Variants in GSG1L observed in about 807,000 individuals in gnomAD.
GSG1L encodes germ cell-specific gene 1-like protein.
Under a neutral mutation model 42.1 loss-of-function variants are expected in GSG1L, and 24 were observed. That is an observed-to-expected ratio of 0.57 (90% confidence interval 0.41 to 0.80). GSG1L has a LOEUF of 0.80. Ranked by LOEUF, GSG1L falls within the 30% of genes least tolerant of loss-of-function variation. GSG1L has a pLI of 0.00. For synonymous variants in GSG1L, 215 were observed against 203.5 expected, an observed-to-expected ratio of 1.06 and a Z score of -0.48; for missense variants, 445 against 472.2, an observed-to-expected ratio of 0.94 and a Z score of 0.53.
At chr16:27,915,338 C>T (rs1241179362) in intron 2 of GSG1L, among the ~76,000 whole-genome samples, 1 of 152,126 alleles carries the variant, frequency 6.6e-6, no homozygotes, top group Non-Finnish European at 1.5e-5. Flanking sequence ...ATTTGCCAGA[C>T]TTTCATTTTG....
intron 3 of GSG1L, among the ~76,000 whole-genome samples, chr16:27,865,627 A>G (rs561569199): frequency 0.012 from 1,682 of 143,394 alleles, 80 homozygotes; most frequent in African/African-American, 0.041. Flanking sequence ...ACACATATAT[A>G]TGTGTGTATA....
intron 2 of GSG1L, among the ~76,000 whole-genome samples, chr16:27,937,058 C>G (rs2084726875): frequency 6.6e-6 from 1 of 152,192 alleles, no homozygotes; most frequent in Admixed American, 6.5e-5. Context: ...CTTCGCTGCT[C>G]TGATGTTCAC....
At chr16:27,937,674 C>T (rs1249572677) in intron 2 of GSG1L, among the ~76,000 whole-genome samples, 1 of 152,228 alleles carries the variant, frequency 6.6e-6, no homozygotes, top group Non-Finnish European at 1.5e-5. Flanking sequence ...AAGTCCTTGG[C>T]ACCATCGTTG....
chr16:27,943,981 G>C (rs1467441143), intron 2 of GSG1L, among the ~76,000 whole-genome samples: 1 of 152,108 alleles, frequency 6.6e-6, no homozygotes, highest in African/African-American at 2.4e-5. Flanking sequence ...GCTGTGTTCT[G>C]ATAAAACTTT....
At chr16:27,991,418 T>C (rs1302433974) in intron 1 of GSG1L, among the ~76,000 whole-genome samples, 1 of 152,106 alleles carries the variant, frequency 6.6e-6, no homozygotes, top group Non-Finnish European at 1.5e-5. Context: ...TGTTTGTTTT[T>C]TTTTTGAGAT....
At chr16:27,807,599 G>A (rs991050818) in intron 5 of GSG1L, 45 bp from the exon 6 acceptor site, 2 of 1,548,948 alleles carry the variant, frequency 1.3e-6, no homozygotes, top group African/African-American at 2.7e-5. Flanking sequence ...GTAGGAAAGA[G>A]AAGGATGAGT....
At chr16:28,004,562 G>A (rs1159899672) in intron 1 of GSG1L, among the ~76,000 whole-genome samples, 1 of 143,962 alleles carries the variant, frequency 6.9e-6, no homozygotes, top group African/African-American at 2.5e-5. Context: ...GTTGCTTGAG[G>A]TCATGAGTTT....
chr16:28,058,881 G>A (rs1308247869), intron 1 of GSG1L, among the ~76,000 whole-genome samples: 1 of 152,200 alleles, frequency 6.6e-6, no homozygotes, highest in Non-Finnish European at 1.5e-5. Flanking sequence ...CAGGTACAGG[G>A]AAGGCTAGCT....
intron 1 of GSG1L, among the ~76,000 whole-genome samples, chr16:27,982,143 G>A (rs1157368571): frequency 2.0e-5 from 3 of 152,204 alleles, no homozygotes; most frequent in Admixed American, 6.5e-5. Context: ...TGAGGAGGGA[G>A]GATCACTTGA....
chr16:27,888,973 G>GATATAGATATAGATATAGAT (rs774360829), intron 2 of GSG1L, among the ~76,000 whole-genome samples: 2 of 146,516 alleles, frequency 1.4e-5, no homozygotes, highest in African/African-American at 2.5e-5. Flanking sequence ...TATAGATATA[G>GATATAGATATAGATATAGAT]ATAGATATAC....
chr16:27,994,372 T>C (rs959628785), intron 1 of GSG1L, among the ~76,000 whole-genome samples: 1 of 152,208 alleles, frequency 6.6e-6, no homozygotes, highest in Admixed American at 6.5e-5. Flanking sequence ...ATTCTCCCTC[T>C]AATTCCTTTC....
chr16:27,799,448 G>C lies in GSG1L; in HGVS notation c.899-7981C>G, dbSNP rs150964902. Among the ~76,000 whole-genome samples the C allele has an allele frequency of 5.2e-3, 786 of 152,314 alleles. 11 individuals carry two copies. Among genetic ancestry groups the C allele is most frequent in the African/African-American group, 0.017 (721 of 41,570 alleles). On this transcript the variant is annotated intron_variant, in intron 6 of 6. Transcript: ENST00000447459. Reference sequence around the variant, plus strand: ...CAATCTCAGCTACTCAGGAGGCTGAGGTGGGAGGATCCCTTGAGCCCAGGA... The same window carrying C: ...CAATCTCAGCTACTCAGGAGGCTGACGTGGGAGGATCCCTTGAGCCCAGGA...
intron 2 of GSG1L, among the ~76,000 whole-genome samples, chr16:27,912,687 C>A (rs1454200087): frequency 1.3e-5 from 2 of 152,176 alleles, no homozygotes; most frequent in Non-Finnish European, 2.9e-5. Flanking sequence ...CTTCAGAGAC[C>A]AATTTGTCCT....
At chr16:27,820,057 G>A (rs972119643) in intron 5 of GSG1L, among the ~76,000 whole-genome samples, 12 of 152,164 alleles carry the variant, frequency 7.9e-5, no homozygotes, top group Admixed American at 6.6e-5. Flanking sequence ...CAGGACTGCA[G>A]GTTTCCAGCT....
At chr16:27,937,816 C>T (rs2084735712) in intron 2 of GSG1L, among the ~76,000 whole-genome samples, 1 of 152,106 alleles carries the variant, frequency 6.6e-6, no homozygotes, top group Non-Finnish European at 1.5e-5. Flanking sequence ...AGGAGGTGTT[C>T]GAAGAGCAGA....
chr16:27,845,151 G>T, intron 3 of GSG1L, 90 bp from the exon 4 acceptor site: 1 of 824,838 alleles, frequency 1.2e-6, no homozygotes, highest in Non-Finnish European at 2.0e-6. Flanking sequence ...CTGCCTGCCT[G>T]TCTGCCTGTG....
Position 28,063,095 on chromosome 16 carries a change from C to T in GSG1L, c.330G>A (p.Glu110=). The change falls in exon 1 of 7, where the codon GAG becomes GAA. Residue 110 remains glutamate (E), a synonymous_variant. Coordinates refer to ENST00000447459, the MANE Select transcript of GSG1L (RefSeq NM_001109763.2). This position sits in a 1 kb window ranked among gnomAD's most constrained non-coding sequence, Gnocchi z 5.8. ...NFHTGIWYSC[E]EELSGLGEKC... ...ACTCACCAAGCCCGCTGAGCTCCTC[C>T]TCGCACGAGTACCAGATGCCGGTGT... 3 of 1,437,406 alleles carry T rather than the reference C, an allele frequency of 2.1e-6. No homozygotes were observed. Among genetic ancestry groups the T allele is most frequent in the Non-Finnish European group, 2.8e-6 (3 of 1,089,772 alleles). 89.0% of individuals were successfully genotyped at this position (1,437,406 alleles called of 1,614,324 possible).
intron 1 of GSG1L, among the ~76,000 whole-genome samples, chr16:28,026,298 C>G (rs2085900356): frequency 6.6e-6 from 1 of 152,164 alleles, no homozygotes; most frequent in South Asian, 2.1e-4. Flanking sequence ...TAAGAGGAAC[C>G]AGGAGAGGAG....
intron 3 of GSG1L, among the ~76,000 whole-genome samples, chr16:27,863,844 C>T (rs2083683775): frequency 6.6e-6 from 1 of 152,230 alleles, no homozygotes; most frequent in South Asian, 2.1e-4. Context: ...TGTGGCTAAG[C>T]CTATACCAGC....
Sources: gnomAD v4.1 joint callset for allele counts (sites outside exome capture counted in the v4.1 genomes callset) on GRCh38, gnomAD v4.1.1 for gene constraint, Gnocchi (gnomAD v3.1) non-coding constraint, MANE v1.5 for transcripts, NCBI Gene and HGNC (gene_info 2026-07-23, HGNC 2026-07-21) for gene names.